AMBRA1: variants seen among roughly 807,000 people sequenced by gnomAD.
The protein encoded by AMBRA1 is activating molecule in BECN1-regulated autophagy protein 1.
In AMBRA1, 47 loss-of-function variants were observed where a neutral mutation model predicts 125.4. The observed-to-expected ratio is 0.37, with a 90% CI of 0.30 to 0.48. The LOEUF is 0.48. Among genes scored for constraint, AMBRA1 ranks in the 20% least tolerant of loss-of-function variants. The pLI is 0.99. For missense variants in AMBRA1, 1,331 were observed against 1,693.4 expected (o/e 0.79, Z 3.76); for synonymous variants, 626 against 655.5 (o/e 0.95, Z 0.69).
intron 7 of AMBRA1, among the ~76,000 whole-genome samples, chr11:46,513,254 C>T (rs1029178411): frequency 1.3e-5 from 2 of 149,582 alleles, no homozygotes; most frequent in African/African-American, 5.0e-5. Context: ...TCTGCTCTGC[C>T]TACGCTCTTT....
At position 46,494,068 on chromosome 11, in the gene AMBRA1, A is replaced by G. The variant is rs1411834688; in HGVS notation, c.2420+56T>C. ...TCAAAGACCAGAAAGTAGGTTTAAA[A>G]CTAAATCCTAGGCTCTAACGAAGGC... is the stretch of plus-strand genomic sequence containing the variant. On this transcript the variant is annotated intron_variant, in intron 10 of 17. Transcript: ENST00000683756. The G allele has an allele frequency of 1.1e-5, 16 of 1,494,552 alleles. No individual in the cohort carries two copies. In the South Asian group the frequency reaches 1.8e-4, roughly 17 times the overall value. The allele number at this position is 1,494,552 out of a possible 1,614,324, so 92.6% of individuals were successfully genotyped here. A position where few individuals can be genotyped will look rare whatever the true frequency, so the allele number is the denominator to read the frequency against.
intron 14 of AMBRA1, among the ~76,000 whole-genome samples, chr11:46,427,249 A>G (rs1947184736): frequency 6.6e-6 from 1 of 152,186 alleles, no homozygotes. Context: ...AGCCACAACT[A>G]TAGTTACCAC....
chr11:46,417,424 G>C (rs1320281643), intron 15 of AMBRA1, among the ~76,000 whole-genome samples: 1 of 152,170 alleles, frequency 6.6e-6, no homozygotes, highest in Non-Finnish European at 1.5e-5. Context: ...AAGCAAGACA[G>C]AATTGTTGTT....
chr11:46,467,713 T>TA (rs1204448295), intron 11 of AMBRA1, among the ~76,000 whole-genome samples: 1 of 152,120 alleles, frequency 6.6e-6, no homozygotes. Flanking sequence ...TTTGTAGTTT[T>TA]AGTAGAGATG....
intron 11 of AMBRA1, among the ~76,000 whole-genome samples, chr11:46,477,028 T>C (rs1328579356): frequency 6.6e-6 from 1 of 151,782 alleles, no homozygotes; most frequent in East Asian, 1.9e-4. Flanking sequence ...TGAGAATCAC[T>C]TGAACCTGGG....
chr11:46,403,716 C>T (rs1182254003), intron 17 of AMBRA1, among the ~76,000 whole-genome samples: 1 of 152,132 alleles, frequency 6.6e-6, no homozygotes, highest in East Asian at 1.9e-4. Context: ...TGCAAATACC[C>T]CTGTGGAGGG....
intron 12 of AMBRA1, among the ~76,000 whole-genome samples, chr11:46,442,106 G>A (rs1160248714): frequency 6.6e-6 from 1 of 151,426 alleles, no homozygotes; most frequent in Non-Finnish European, 1.5e-5. Flanking sequence ...AAGTAGCTGG[G>A]ACTACAGATG....
intron 12 of AMBRA1, among the ~76,000 whole-genome samples, chr11:46,439,981 G>A (rs2136736407): frequency 6.6e-6 from 1 of 151,936 alleles, no homozygotes; most frequent in East Asian, 1.9e-4. Context: ...ATCAGCAAGA[G>A]TTTATGAAAT....
Position 46,520,140 on chromosome 11 carries a change from G to GA in AMBRA1, c.2073-7328dup, listed in dbSNP as rs35213610. ...GGCAACAAGAGTGAAACTCCGCCTCGAAAAAAAAAAAAAAAAAATTACGAG... is the reference window on the plus strand; with the variant it reads ...GGCAACAAGAGTGAAACTCCGCCTCGAAAAAAAAAAAAAAAAAAATTACGAG... On this transcript the variant is annotated intron_variant, in intron 7 of 17. Transcript: ENST00000683756. Among the ~76,000 whole-genome samples, 755 of 108,474 alleles carry GA rather than the reference G, an allele frequency of 7.0e-3. 3 individuals carry two copies. The highest frequency in any genetic ancestry group is 6.4e-3 in the African/African-American group (200 of 31,336). The allele number at this position is 108,474 out of a possible 152,430, so 71.2% of individuals were successfully genotyped here.
rs71042607 is a variant in AMBRA1, at chr11:46,578,882, C to CAAAAAAAAA, written c.-121+14937_-121+14945dup. Among the ~76,000 whole-genome samples the CAAAAAAAAA allele has an allele frequency of 1.2e-4, 3 of 24,478 alleles. 1 individual carries two copies. Among genetic ancestry groups the CAAAAAAAAA allele is most frequent in the African/African-American group, 4.1e-4 (2 of 4,872 alleles). 16.1% of individuals were successfully genotyped at this position (24,478 alleles called of 152,430 possible). ...CCTGGGCGACAGAGAGACTCAGTCT[C>CAAAAAAAAA]AAAAAAAAAAAAAAAAAAAAAAAAA... On this transcript the variant is annotated intron_variant, in intron 1 of 17. Transcript: ENST00000683756.
At chr11:46,451,032 C>T (rs1948565596) in intron 11 of AMBRA1, among the ~76,000 whole-genome samples, 1 of 152,128 alleles carries the variant, frequency 6.6e-6, no homozygotes, top group South Asian at 2.1e-4. Flanking sequence ...AGGGAGGGGC[C>T]ACGACTTTCA....
At chr11:46,591,407 T>C (rs2044590278) in intron 1 of AMBRA1, 2 of 152,192 alleles carry the variant, frequency 1.3e-5, no homozygotes, top group Non-Finnish European at 1.5e-5. Context: ...TTGCTTATGA[T>C]TAAGGGCCCT....
rs534454770 is a variant in AMBRA1, at chr11:46,583,668, A to C, written c.-121+10160T>G. Among the ~76,000 whole-genome samples the C allele has an allele frequency of 2.9e-3, 421 of 146,112 alleles. 12 individuals carry two copies. Among genetic ancestry groups the C allele is most frequent in the Non-Finnish European group, 4.9e-3 (327 of 66,144 alleles). On this transcript the variant is annotated intron_variant, in intron 1 of 17. Transcript: ENST00000683756. The stretch of plus-strand genomic sequence containing the variant: ...ACAAATTTCCAAAAAAAAAAAAAAA[A>C]AAAAAAAAAAACAACAAAACAACCC...
chr11:46,564,231 AAG>A (rs1213910963), intron 1 of AMBRA1, among the ~76,000 whole-genome samples: 3 of 150,852 alleles, frequency 2.0e-5, no homozygotes, highest in African/African-American at 7.3e-5. Context: ...AAAAAAAAAA[AAG>A]AGAAATCCCA....
rs1950297878 is a variant in AMBRA1, at chr11:46,487,186, A to C, written c.2521+6422T>G. Among the ~76,000 whole-genome samples, 7 of 152,078 alleles carry C rather than the reference A, an allele frequency of 4.6e-5. No homozygotes were observed. The South Asian group carries it at 1.5e-3, about 32-fold the overall frequency. On this transcript the variant is annotated intron_variant, in intron 11 of 17. Transcript: ENST00000683756. ...GGTAGGAGAATAGCTTGAGACCAGC[A>C]GGTTGAGGGTGCAGTGAGTCGTGAC... is the stretch of plus-strand genomic sequence containing the variant.
In AMBRA1 at chr11:46,420,622, T is replaced by C. The variant is rs186587569; in HGVS notation, c.2977-2570A>G. Among the ~76,000 whole-genome samples, 47 of 152,310 alleles carry C rather than the reference T, an allele frequency of 3.1e-4. No individual in the cohort carries two copies. The East Asian group carries it at 8.5e-3, about 27-fold the overall frequency. ...TTAACTTTTAACACTAAAAGGACAA[T>C]GTGGGTGTGATGAGACAATTGTGGC... On this transcript the variant is annotated intron_variant, in intron 14 of 17. Transcript: ENST00000683756.
chr11:46,593,861 A>G lies in AMBRA1; in HGVS notation c.-154T>C, dbSNP rs1273798899. ...CAGACGGGAGCTCGGTTTGCAGTCC[A>G]GCGAACGGGCTGAGCCACAGGGAAA... On this transcript the variant is annotated 5_prime_UTR_variant, in exon 1 of 18. Transcript: ENST00000683756. The G allele has an allele frequency of 5.0e-6, 2 of 397,558 alleles. No homozygotes were observed. Among genetic ancestry groups the G allele is most frequent in the Middle Eastern group, 6.3e-4 (1 of 1,590 alleles). 24.6% of individuals were successfully genotyped at this position (397,558 alleles called of 1,614,324 possible). A position where few individuals can be genotyped will look rare whatever the true frequency, so the allele number is the denominator to read the frequency against.
rs1255484339 is a variant in AMBRA1, at chr11:46,508,175, C to T, written c.2339+16G>A. ...TTGAGAGGAGAGGGAAGAAAGCAAG[C>T]TGAGTATGTACTTACTCAAAGTCCT... On this transcript the variant is annotated intron_variant, in intron 9 of 17. Coordinates refer to ENST00000683756, the MANE Select transcript of AMBRA1 (RefSeq NM_001387011.1). The T allele has an allele frequency of 1.2e-6, 2 of 1,613,310 alleles. No individual in the cohort carries two copies. The highest frequency in any genetic ancestry group is 8.5e-7 in the Non-Finnish European group (1 of 1,179,368).
chr11:46,413,265 G>A (rs1002738205), intron 15 of AMBRA1, among the ~76,000 whole-genome samples: 3 of 152,192 alleles, frequency 2.0e-5, no homozygotes, highest in African/African-American at 7.2e-5. Flanking sequence ...AACAGGGGCC[G>A]TACTTCCTGT....
Sources: gnomAD v4.1 joint callset for allele counts (sites outside exome capture counted in the v4.1 genomes callset) on GRCh38, gnomAD v4.1.1 for gene constraint, MANE v1.5 for transcripts, NCBI Gene and HGNC (gene_info 2026-07-23, HGNC 2026-07-21) for gene names.